The following TEX11 variants were observed in gnomAD, a reference collection of about 807,000 sequenced individuals.
The protein encoded by TEX11 is testis expressed 11.
Under a neutral mutation model 84.4 loss-of-function variants are expected in TEX11, and 7 were observed. That is an observed-to-expected ratio of 0.08 (90% CI 0.05 to 0.16). The LOEUF is 0.16. Ranked by LOEUF, TEX11 falls within the 10% of genes least tolerant of loss-of-function variation. The pLI is 1.00. For missense variants in TEX11, 551 were observed against 660.5 expected (o/e 0.83, Z 1.82); for synonymous variants, 264 against 222.8 (o/e 1.18, Z -1.64).
intron 9 of TEX11, among the ~76,000 whole-genome samples, chrX:70,784,716 C>T (rs2091065997): frequency 9.0e-6 from 1 of 111,588 alleles, no homozygotes; most frequent in Non-Finnish European, 1.9e-5. Context: ...TGAGTGAACT[C>T]CCATTCACAA....
intron 13 of TEX11, among the ~76,000 whole-genome samples, chrX:70,720,088 C>T (rs1238182624): frequency 8.9e-6 from 1 of 111,836 alleles, no homozygotes; most frequent in Non-Finnish European, 1.9e-5. Context: ...CATTGTGGCA[C>T]TATTCACAAT....
chrX:70,724,929 G>C (rs16991255), intron 12 of TEX11, among the ~76,000 whole-genome samples: 3,076 of 110,371 alleles, frequency 0.028, 100 homozygotes, highest in African/African-American at 0.094. Context: ...CATTACAAAG[G>C]CTTTTCCCAT....
Position 70,759,387 on chromosome X carries a change from A to G in TEX11, c.693-15168T>C, listed in dbSNP as rs147470790. 7.3e-3 allele frequency among the ~76,000 whole-genome samples: 811 copies of G among 111,805 alleles called. 9 individuals are homozygous for G. The highest frequency in any genetic ancestry group is 0.025 in the African/African-American group (781 of 30,745). On this transcript the variant is annotated intron_variant, in intron 9 of 29. Coordinates refer to ENST00000374333, the MANE Select transcript of TEX11 (RefSeq NM_031276.3). ...ATCCTCAATAAAATACTGGCAAACC[A>G]AATCCAGCAGCACATCAAAAAGCTT... is the stretch of plus-strand genomic sequence containing the variant.
intron 11 of TEX11, among the ~76,000 whole-genome samples, chrX:70,728,374 A>G (rs962951773): frequency 1.4e-4 from 16 of 113,323 alleles, no homozygotes; most frequent in Admixed American, 1.3e-3. Flanking sequence ...GCATCGCCTC[A>G]CCAGGGAAGC....
At chrX:70,593,672 C>T (rs1263185063) in intron 24 of TEX11, among the ~76,000 whole-genome samples, 1 of 111,372 alleles carries the variant, frequency 9.0e-6, no homozygotes, top group Non-Finnish European at 1.9e-5. Context: ...AAATGAATCT[C>T]AATAAAAGGA....
intron 18 of TEX11, among the ~76,000 whole-genome samples, chrX:70,627,038 G>A (rs2089457926): frequency 8.9e-6 from 1 of 112,331 alleles, no homozygotes. Flanking sequence ...CAACTGCATT[G>A]AATGTTGCTG....
intron 8 of TEX11, among the ~76,000 whole-genome samples, chrX:70,817,025 G>A (rs2091290052): frequency 9.1e-6 from 1 of 110,465 alleles, no homozygotes. Flanking sequence ...TTGGAGAAGA[G>A]AATTAGAAAC....
At chrX:70,686,742 C>A (rs5936956) in intron 13 of TEX11, among the ~76,000 whole-genome samples, 45,971 of 107,541 alleles carry the variant, frequency 0.43, 8,374 homozygotes, top group East Asian at 0.58. Flanking sequence ...ATTAGAATTT[C>A]AGATAAACAA....
intron 13 of TEX11, among the ~76,000 whole-genome samples, chrX:70,712,804 C>G (rs1183448394): frequency 8.1e-5 from 9 of 110,884 alleles, no homozygotes; most frequent in African/African-American, 2.0e-4. Context: ...CCTGATTGCC[C>G]TGGCCAGAAC....
At chrX:70,805,971 T>A (rs990807821) in intron 9 of TEX11, among the ~76,000 whole-genome samples, 1 of 111,823 alleles carries the variant, frequency 8.9e-6, no homozygotes, top group Non-Finnish European at 1.9e-5. Flanking sequence ...CTTACTTGAC[T>A]GATATTAAAA....
At chrX:70,832,337 T>C (rs375840896) in intron 8 of TEX11, among the ~76,000 whole-genome samples, 3 of 112,187 alleles carry the variant, frequency 2.7e-5, no homozygotes, top group East Asian at 5.5e-4. Flanking sequence ...TAATTCTAGA[T>C]TGAAACCATT....
chrX:70,805,390 T>A (rs1019708577), intron 9 of TEX11, among the ~76,000 whole-genome samples: 3 of 110,140 alleles, frequency 2.7e-5, no homozygotes, highest in Admixed American at 1.9e-4. Context: ...TTTTACTCCA[T>A]GATCCATTTT....
intron 24 of TEX11, among the ~76,000 whole-genome samples, chrX:70,595,032 AG>A: frequency 8.9e-6 from 1 of 112,012 alleles, no homozygotes; most frequent in East Asian, 2.8e-4. Context: ...AAAGCATAAA[AG>A]GTAAGTAAGA....
chrX:70,610,597 C>G (rs1890524260), intron 20 of TEX11, 54 bp from the exon 21 acceptor site: 13 of 1,118,482 alleles, frequency 1.2e-5, no homozygotes, highest in Non-Finnish European at 1.6e-5. Context: ...TACTATAAAA[C>G]ATAACTAAAA....
chrX:70,604,184 A>C (rs775843142), intron 24 of TEX11, among the ~76,000 whole-genome samples: 1 of 112,007 alleles, frequency 8.9e-6, no homozygotes, highest in South Asian at 3.7e-4. Flanking sequence ...CTATTCACTA[A>C]GATAAAAAAT....
At chrX:70,565,273 G>T (rs1173853119) in intron 25 of TEX11, among the ~76,000 whole-genome samples, 2 of 107,343 alleles carry the variant, frequency 1.9e-5, no homozygotes, top group African/African-American at 6.8e-5. Flanking sequence ...TTGTAAATTT[G>T]TTTGAGTTCT....
chrX:70,554,813 C>T lies in TEX11; in HGVS notation c.2141-13G>A, dbSNP rs2088264738. On this transcript the variant is annotated splice_polypyrimidine_tract_variant and intron_variant, in intron 25 of 29. Coordinates refer to ENST00000374333, the MANE Select transcript of TEX11 (RefSeq NM_031276.3). ...TTTGAGAAGGTCCCTAAGAAAGAGG[C>T]AAAAATGCAACATTCTTTGTGATTA... 1.7e-6 allele frequency: 2 copies of T among 1,184,540 alleles called. No individual in the cohort carries two copies. Among genetic ancestry groups the T allele is most frequent in the Non-Finnish European group, 2.3e-6 (2 of 882,396 alleles).
intron 13 of TEX11, among the ~76,000 whole-genome samples, chrX:70,690,409 G>C (rs2090224095): frequency 8.9e-6 from 1 of 111,983 alleles, no homozygotes. Context: ...ATATAAAGCA[G>C]AGGTTAGGTA....
At chrX:70,727,610 C>G (rs1278652586) in intron 11 of TEX11, among the ~76,000 whole-genome samples, 1 of 111,557 alleles carries the variant, frequency 9.0e-6, no homozygotes, top group Non-Finnish European at 1.9e-5. Flanking sequence ...TTGTGTCTTT[C>G]TAAAATTCAT....
Sources: allele counts gnomAD v4.1 joint callset (sites outside exome capture counted in the v4.1 genomes callset), GRCh38; gene constraint gnomAD v4.1.1; transcripts MANE v1.5; gene names NCBI Gene and HGNC (gene_info 2026-07-23, HGNC 2026-07-21).